Variants in CACNA1D observed in about 807,000 individuals in gnomAD.
CACNA1D encodes calcium voltage-gated channel subunit alpha1 D, also known as voltage-dependent L-type calcium channel subunit alpha-1D.
CACNA1D carries 55 observed loss-of-function variants against 257.1 expected under a neutral mutation model. The ratio of observed to expected loss-of-function variants is 0.21; its 90% CI spans 0.17 to 0.27. The LOEUF is 0.27. Ranked by LOEUF, CACNA1D falls within the 10% of genes least tolerant of loss-of-function variation. The pLI is 1.00. For synonymous variants in CACNA1D, 980 were observed against 1,014.9 expected (o/e 0.97, Z 0.65); for missense variants, 1,876 against 2,784.0 (o/e 0.67, Z 7.34).
chr3:53,566,544 C>T (rs1251776134), intron 3 of CACNA1D, among the ~76,000 whole-genome samples: 2 of 152,132 alleles, frequency 1.3e-5, no homozygotes, highest in Non-Finnish European at 2.9e-5. Context: ...TGCCCTCCCT[C>T]GCTTCCCCTC....
At chr3:53,655,386 T>C (rs1319550365) in intron 4 of CACNA1D, among the ~76,000 whole-genome samples, 1 of 152,220 alleles carries the variant, frequency 6.6e-6, no homozygotes, top group Non-Finnish European at 1.5e-5. Context: ...CTTTGAGGAA[T>C]TGATACACTG....
intron 3 of CACNA1D, among the ~76,000 whole-genome samples, chr3:53,574,209 G>T (rs905763748): frequency 2.0e-5 from 3 of 152,144 alleles, no homozygotes; most frequent in East Asian, 3.9e-4. Context: ...CTTCTGCCGT[G>T]CACACACCTG....
At chr3:53,749,815 G>T (rs1382931752) in intron 27 of CACNA1D, among the ~76,000 whole-genome samples, 1 of 152,212 alleles carries the variant, frequency 6.6e-6, no homozygotes, top group Non-Finnish European at 1.5e-5. Flanking sequence ...AGTCCCTACT[G>T]GGAGATGGTC....
chr3:53,688,106 A>G (rs965662201), intron 8 of CACNA1D, among the ~76,000 whole-genome samples: 10 of 152,374 alleles, frequency 6.6e-5, no homozygotes, highest in Non-Finnish European at 8.8e-5. Flanking sequence ...ATGAAAATCT[A>G]TGTCTACAAA....
At chr3:53,551,373 A>G (rs2092530927) in intron 3 of CACNA1D, among the ~76,000 whole-genome samples, 1 of 152,162 alleles carries the variant, frequency 6.6e-6, no homozygotes, top group African/African-American at 2.4e-5. Flanking sequence ...GCTCCCTGTA[A>G]GGGAAGAAGT....
At position 53,800,678 on chromosome 3, in the gene CACNA1D, C is replaced by T. The variant is rs1040758952; in HGVS notation, c.5040+313C>T. The T allele has an allele frequency of 2.0e-6, 1 of 496,796 alleles. No homozygotes were observed. The highest frequency in any genetic ancestry group is 3.7e-6 in the Non-Finnish European group (1 of 272,270). The allele number at this position is 496,796 out of a possible 1,614,324, so 30.8% of individuals were successfully genotyped here. On this transcript the variant is annotated intron_variant, in intron 41 of 47. Transcript: ENST00000350061. This position sits in a 1 kb window ranked among gnomAD's most constrained non-coding sequence, Gnocchi z 4.3. Reference sequence around the variant, plus strand: ...CCTTCCGGCAGCTGCCTTTGCTACCCTCCTCCTTCCCGGGCCAGCTCTTTG... The same window carrying T: ...CCTTCCGGCAGCTGCCTTTGCTACCTTCCTCCTTCCCGGGCCAGCTCTTTG...
In CACNA1D at chr3:53,723,286, G is replaced by T. The variant is rs927180801; in HGVS notation, c.1667-148G>T. ...GACAGACTGTCCACGCGAAGGCCAC[G>T]TTTCTGTCCTGAGTGAGGTAGTGAA... On this transcript the variant is annotated intron_variant, in intron 12 of 47. Coordinates refer to ENST00000350061, the MANE Select transcript of CACNA1D (RefSeq NM_001128840.3). The surrounding 1 kb of genome is among the most constrained non-coding windows in gnomAD (Gnocchi z 5.6). 4.2e-6 allele frequency: 3 copies of T among 711,402 alleles called. No homozygotes were observed. In the African/African-American group the frequency reaches 5.2e-5, roughly 12 times the overall value. The allele number at this position is 711,402 out of a possible 1,614,324, so 44.1% of individuals were successfully genotyped here.
In CACNA1D at chr3:53,731,070, T is replaced by C; in HGVS notation, c.2337-7T>C. The C allele has an allele frequency of 6.3e-7, 1 of 1,579,954 alleles. No individual in the cohort carries two copies. Among genetic ancestry groups the C allele is most frequent in the Non-Finnish European group, 8.7e-7 (1 of 1,149,204 alleles). ...TGGTTTCTTGTGCTCTTTTCTCTTC[T>C]CTTTAGAAAAGAGAGCCTAGAAAAT... On this transcript the variant is annotated splice_region_variant and splice_polypyrimidine_tract_variant and intron_variant, in intron 16 of 47. Transcript: ENST00000350061.
intron 3 of CACNA1D, among the ~76,000 whole-genome samples, chr3:53,562,619 CCACAATCCAGTTTTAT>C (rs1335880039): frequency 6.6e-6 from 1 of 151,626 alleles, no homozygotes; most frequent in Admixed American, 6.6e-5. Context: ...GTAACTCTTA[CCACAATCCAGTTTTAT>C]AACATTTTCA....
chr3:53,497,060 G>A (rs954756294), intron 1 of CACNA1D, 92 bp from the exon 2 acceptor site: 18 of 944,624 alleles, frequency 1.9e-5, no homozygotes, highest in Non-Finnish European at 2.7e-5. Context: ...TGATTCCCCT[G>A]TTATTGATGG....
At chr3:53,743,182 A>G (rs1362909876) in intron 22 of CACNA1D, 65 bp downstream of exon 22, 3 of 949,472 alleles carry the variant, frequency 3.2e-6, no homozygotes, top group Admixed American at 1.7e-5. Context: ...GGATTTTAAC[A>G]TAATTGATAA....
intron 7 of CACNA1D, among the ~76,000 whole-genome samples, chr3:53,668,717 C>G (rs892415039): frequency 1.3e-5 from 2 of 152,192 alleles, no homozygotes; most frequent in East Asian, 3.8e-4. Flanking sequence ...TTTGGCCTTG[C>G]AGGCTACATG....
At chr3:53,505,539 G>A (rs2090807455) in intron 3 of CACNA1D, among the ~76,000 whole-genome samples, 1 of 152,212 alleles carries the variant, frequency 6.6e-6, no homozygotes, top group Admixed American at 6.5e-5. Context: ...TATTGCTGAT[G>A]TGCACCAAGC....
At chr3:53,534,395 C>T (rs76123632) in intron 3 of CACNA1D, among the ~76,000 whole-genome samples, 2,542 of 152,332 alleles carry the variant, frequency 0.017, 81 homozygotes, top group African/African-American at 0.058. Context: ...GGGCCTGTGC[C>T]CATTCTGTCC....
chr3:53,742,592 G>A lies in CACNA1D; in HGVS notation c.2812-419G>A, dbSNP rs116198963. 5.8e-3 allele frequency among the ~76,000 whole-genome samples: 883 copies of A among 152,340 alleles called. 15 individuals carry two copies. Among genetic ancestry groups the A allele is most frequent in the African/African-American group, 0.02 (849 of 41,582 alleles). On this transcript the variant is annotated intron_variant, in intron 21 of 47. Transcript: ENST00000350061. ...GAGCCCTGAATTCAAGCCCCCACTG[G>A]AAAGGCTTAATTGAAACAAGGTAGG...
At chr3:53,638,946 C>T (rs1003051439) in intron 3 of CACNA1D, among the ~76,000 whole-genome samples, 4 of 152,158 alleles carry the variant, frequency 2.6e-5, no homozygotes, top group Non-Finnish European at 4.4e-5. Flanking sequence ...ATGTGACTTA[C>T]GTGAGACAAC....
intron 3 of CACNA1D, among the ~76,000 whole-genome samples, chr3:53,502,429 G>A (rs1021276390): frequency 6.6e-6 from 1 of 151,280 alleles, no homozygotes; most frequent in African/African-American, 2.4e-5. Context: ...ATTTAACTCA[G>A]CTAGTCCCTA....
chr3:53,727,170 G>C (rs952999692), intron 15 of CACNA1D, among the ~76,000 whole-genome samples, 171 bp downstream of exon 15: 1 of 152,180 alleles, frequency 6.6e-6, no homozygotes, highest in Non-Finnish European at 1.5e-5. Context: ...GGGGGACAGC[G>C]TCCTGTAAGC....
At chr3:53,783,560 A>G (rs748779563) in intron 39 of CACNA1D, among the ~76,000 whole-genome samples, 14 of 152,194 alleles carry the variant, frequency 9.2e-5, no homozygotes, top group Admixed American at 2.6e-4. Flanking sequence ...GGAGGGATGC[A>G]AGGCTTTGCA....
Sources: allele counts gnomAD v4.1 joint callset (sites outside exome capture counted in the v4.1 genomes callset), GRCh38; gene constraint gnomAD v4.1.1; non-coding constraint Gnocchi (gnomAD v3.1); transcripts MANE v1.5; gene names NCBI Gene and HGNC (gene_info 2026-07-23, HGNC 2026-07-21).